The following SLC43A3 variants were observed in gnomAD, a reference collection of about 807,000 sequenced individuals.
SLC43A3 encodes solute carrier family 43 member 3, also known as equilibrative nucleobase transporter 1.
A neutral mutation model predicts 53.3 loss-of-function variants in SLC43A3; 33 were observed. The ratio of observed to expected loss-of-function variants is 0.62; its 90% confidence interval spans 0.47 to 0.83. The LOEUF is 0.83. Among genes scored for constraint, SLC43A3 ranks in the 40% least tolerant of loss-of-function variants. SLC43A3 has a pLI of 0.00. For missense variants in SLC43A3, 530 were observed against 610.0 expected, an observed-to-expected ratio of 0.87 and a Z score of 1.38; for synonymous variants, 236 against 246.2, an observed-to-expected ratio of 0.96 and a Z score of 0.39.
chr11:57,415,150 G>T (rs750498880), intron 9 of SLC43A3, 44 bp from the exon 10 acceptor site: 1 of 1,586,790 alleles, frequency 6.3e-7, no homozygotes, highest in Non-Finnish European at 8.6e-7. Flanking sequence ...CGAGGAAAGT[G>T]GACAGGTAGG....
upstream of SLC43A3, chr11:57,427,375 G>C (rs61886978): frequency 0.26 from 39,708 of 152,486 alleles, 5,409 homozygotes; most frequent in African/African-American, 0.3. Flanking sequence ...CCCTAACCAA[G>C]TTAGTTGAAT....
chr11:57,408,889 G>T, intron 13 of SLC43A3: 2 of 374,310 alleles, frequency 5.3e-6, no homozygotes, highest in Non-Finnish European at 1.0e-5. Context: ...TGGAAACCCT[G>T]TGTGGGCCTA....
In SLC43A3 at chr11:57,425,609, GT is replaced by G. The variant is rs781620485; in HGVS notation, c.245del (p.Asn82ThrfsTer3). 11 of 1,614,106 alleles carry G rather than the reference GT, an allele frequency of 6.8e-6. No homozygotes were observed. Among genetic ancestry groups the G allele is most frequent in the Non-Finnish European group, 9.3e-6 (11 of 1,179,982 alleles). On this transcript the variant is annotated frameshift_variant, in exon 4 of 14. Coordinates refer to ENST00000395124, the MANE Select transcript of SLC43A3 (RefSeq NM_199329.3). LOFTEE classifies it high-confidence loss of function. ...LIFTLGSFMN[N>X]FMTFPTGYIF... Reference sequence around the variant, plus strand: ...TGTAGCCAGTGGGGAATGTCATGAAGTTGTTCATGAAGGACCCCAGGGTGAA... The same window carrying G: ...TGTAGCCAGTGGGGAATGTCATGAAGTGTTCATGAAGGACCCCAGGGTGAA...
chr11:57,420,874 T>C lies in SLC43A3; in HGVS notation c.531+98A>G, dbSNP rs368549915. The C allele has an allele frequency of 1.5e-3, 1,195 of 821,934 alleles. 20 individuals are homozygous for C. The South Asian group carries it at 0.017, about 12-fold the overall frequency. The allele number at this position is 821,934 out of a possible 1,614,324, so 50.9% of individuals were successfully genotyped here. ...TGTAAAATGGGGGTAACACAGTACC[T>C]ACCTCACCGAGTTGATGGAGACAAA... On this transcript the variant is annotated intron_variant, in intron 7 of 13. Transcript: ENST00000395124.
In SLC43A3 at chr11:57,410,135, G is replaced by A. The variant is rs1942384791; in HGVS notation, c.1061-14C>T. On this transcript the variant is annotated splice_polypyrimidine_tract_variant and intron_variant, in intron 11 of 13. Transcript: ENST00000395124. ...AAGTGGAGGAACCTGGGCGAACAGA[G>A]AGGAAAAAGAAGCTCTCTGTAGGCC... 2 of 1,570,570 alleles carry A rather than the reference G, an allele frequency of 1.3e-6. No individual in the cohort carries two copies. Among genetic ancestry groups the A allele is most frequent in the Non-Finnish European group, 1.7e-6 (2 of 1,160,812 alleles).
Position 57,409,279 on chromosome 11 carries a change from CAAAGTGCTCTGAAGGGAA to C in SLC43A3, c.1249_1266del (p.Phe417_Phe422del). 6.2e-7 allele frequency: 1 copy of C among 1,614,182 alleles called. No homozygotes were observed. The highest frequency in any genetic ancestry group is 1.1e-5 in the South Asian group (1 of 91,080). ...GCCATCACCAGCCCAAAGAGCTTGCCAAAGTGCTCTGAAGGGAAACTGGGGAGAGAAACCAGAGGGGTT... is the reference window on the plus strand; with the variant it reads ...GCCATCACCAGCCCAAAGAGCTTGCCACTGGGGAGAGAAACCAGAGGGGTT... On this transcript the variant is annotated inframe_deletion and splice_region_variant, in exon 13 of 14. Transcript: ENST00000395124.
Position 57,426,234 on chromosome 11 carries a change from G to A in SLC43A3, c.-62C>T, listed in dbSNP as rs1046314033. The A allele has an allele frequency of 7.2e-6, 11 of 1,522,710 alleles. No individual in the cohort carries two copies. Among genetic ancestry groups the A allele is most frequent in the East Asian group, 2.3e-5 (1 of 44,204 alleles). 94.3% of individuals were successfully genotyped at this position (1,522,710 alleles called of 1,614,324 possible). A position where few individuals can be genotyped will look rare whatever the true frequency, so the allele number is the denominator to read the frequency against. Reference sequence around the variant, plus strand: ...TCCTCCTGGACGGATCACAGGCGCCGTAAGCCTGGCGTTTGAGCACTTGGA... The same window carrying A: ...TCCTCCTGGACGGATCACAGGCGCCATAAGCCTGGCGTTTGAGCACTTGGA... On this transcript the variant is annotated 5_prime_UTR_variant, in exon 3 of 14. The change creates a new upstream start codon in the 5' untranslated region. Transcript: ENST00000395124.
At chr11:57,417,713 G>C in intron 8 of SLC43A3, 35 bp downstream of exon 8, 3 of 1,612,396 alleles carry the variant, frequency 1.9e-6, no homozygotes, top group Non-Finnish European at 2.5e-6. Context: ...GGGCCAATGA[G>C]GGGCTCTGGC....
chr11:57,414,202 C>T (rs1478115656), intron 11 of SLC43A3, among the ~76,000 whole-genome samples: 1 of 152,170 alleles, frequency 6.6e-6, no homozygotes, highest in Non-Finnish European at 1.5e-5. Context: ...ATGAGTGCAA[C>T]TAGACAGGGT....
In SLC43A3 at chr11:57,412,001, T is replaced by C. The variant is rs189752925; in HGVS notation, c.1061-1880A>G. 2.6e-5 allele frequency among the ~76,000 whole-genome samples: 4 copies of C among 152,178 alleles called. No homozygotes were observed. The East Asian group carries it at 5.8e-4, about 22-fold the overall frequency. On this transcript the variant is annotated intron_variant, in intron 11 of 13. Transcript: ENST00000395124. ...TGATATTTTTCTTATAAAAAAATTA[T>C]ATATATGTTAACTCTATCCAAAACC...
In SLC43A3 at chr11:57,407,784, C is replaced by T. The variant is rs373696373; in HGVS notation, c.*8G>A. The T allele has an allele frequency of 1.2e-5, 19 of 1,572,576 alleles. No individual in the cohort carries two copies. The highest frequency in any genetic ancestry group is 1.6e-5 in the Non-Finnish European group (18 of 1,142,380). ...CATCCTCGGGGCTGAAAAGTGAGGG[C>T]TTCTGAACTATGCAATTGCAGAGGG... On this transcript the variant is annotated 3_prime_UTR_variant, in exon 14 of 14. Transcript: ENST00000395124.
intron 4 of SLC43A3, among the ~76,000 whole-genome samples, chr11:57,424,926 A>G (rs761539237): frequency 2.0e-5 from 3 of 152,206 alleles, no homozygotes; most frequent in Non-Finnish European, 4.4e-5. Flanking sequence ...CGAGATTAGG[A>G]TGCAGCAACA....
In SLC43A3 at chr11:57,426,256, T is replaced by A; in HGVS notation, c.-84A>T. 1 of 1,378,978 alleles carries A rather than the reference T, an allele frequency of 7.3e-7. No individual in the cohort carries two copies. The highest frequency in any genetic ancestry group is 1.0e-6 in the Non-Finnish European group (1 of 1,001,908). The allele number at this position is 1,378,978 out of a possible 1,614,324, so 85.4% of individuals were successfully genotyped here. ...GCCGTAAGCCTGGCGTTTGAGCACT[T>A]GGAAAATTCCTCTGGCAAGCCAAGC... On this transcript the variant is annotated 5_prime_UTR_variant, in exon 3 of 14. Transcript: ENST00000395124.
chr11:57,416,729 A>C, intron 8 of SLC43A3, 59 bp from the exon 9 acceptor site: 1 of 1,332,056 alleles, frequency 7.5e-7, no homozygotes, highest in Non-Finnish European at 1.1e-6. Context: ...CCTGAGACTC[A>C]GACTGGAGGG....
intron 13 of SLC43A3, 51 bp from the exon 14 acceptor site, chr11:57,407,947 A>T: frequency 4.0e-6 from 5 of 1,243,600 alleles, no homozygotes; most frequent in Non-Finnish European, 4.7e-6. Context: ...GAACAACAGA[A>T]CTGTTGCTCA....
At chr11:57,421,611 G>C (rs1379601928) in intron 5 of SLC43A3, among the ~76,000 whole-genome samples, 2 of 152,148 alleles carry the variant, frequency 1.3e-5, no homozygotes, top group African/African-American at 4.8e-5. Flanking sequence ...TCAGTCTGTG[G>C]CAGGCCAGGA....
intron 4 of SLC43A3, 103 bp from the exon 5 acceptor site, chr11:57,424,131 G>A (rs977590355): frequency 2.7e-5 from 31 of 1,151,174 alleles, no homozygotes; most frequent in Middle Eastern, 1.9e-4. Context: ...GGACTTGACC[G>A]CACCCTCAGC....
chr11:57,424,049 A>C, intron 4 of SLC43A3, 21 bp from the exon 5 acceptor site: 1 of 1,612,960 alleles, frequency 6.2e-7, no homozygotes, highest in South Asian at 1.1e-5. Flanking sequence ...TAACAGGAAA[A>C]GCAGAATATT....
At chr11:57,408,812 A>G (rs2134498579) in intron 13 of SLC43A3, 1 of 219,370 alleles carries the variant, frequency 4.6e-6, no homozygotes, top group East Asian at 1.1e-4. Context: ...GCAGGACCTC[A>G]GAGCATCCCT....
Sources: allele counts gnomAD v4.1 joint callset (sites outside exome capture counted in the v4.1 genomes callset), GRCh38; gene constraint gnomAD v4.1.1; transcripts MANE v1.5; gene names NCBI Gene and HGNC (gene_info 2026-07-23, HGNC 2026-07-21).